The following PCDHA1 variants were observed in gnomAD, a reference collection of about 807,000 sequenced individuals.
PCDHA1 encodes the protein protocadherin alpha-1.
PCDHA1 carries 42 observed loss-of-function variants against 61.3 expected under a neutral mutation model. The ratio of observed to expected loss-of-function variants is 0.69; its 90% CI spans 0.54 to 0.89. PCDHA1 has a LOEUF of 0.89. Among genes scored for constraint, PCDHA1 ranks in the 40% least tolerant of loss-of-function variants. PCDHA1 has a pLI of 0.00. For synonymous variants in PCDHA1, 610 were observed against 553.8 expected, an observed-to-expected ratio of 1.10 and a Z score of -1.43; for missense variants, 1,256 against 1,235.3, an observed-to-expected ratio of 1.02 and a Z score of -0.25.
chr5:140,826,260 T>C (rs1554130510), intron 1 of PCDHA1, among the ~76,000 whole-genome samples: 1 of 152,220 alleles, frequency 6.6e-6, no homozygotes, highest in Admixed American at 6.5e-5. Context: ...ATATATCAAG[T>C]CTTTATGTAT....
In PCDHA1 at chr5:141,011,040, A is replaced by G. The variant is rs1467029720; in HGVS notation, c.*1103A>G. On this transcript the variant is annotated 3_prime_UTR_variant, in exon 4 of 4. Transcript: ENST00000504120. ...AATCACAGCTTTACTCTTTCAGGTCACTCTGGGGCTGCCTCTTGCATGTAT... is the reference window on the plus strand; with the variant it reads ...AATCACAGCTTTACTCTTTCAGGTCGCTCTGGGGCTGCCTCTTGCATGTAT... 1 of 153,602 alleles carries G rather than the reference A, an allele frequency of 6.5e-6. No homozygotes were observed. The highest frequency in any genetic ancestry group is 2.4e-5 in the African/African-American group (1 of 41,374). The allele number at this position is 153,602 out of a possible 1,614,324, so 9.5% of individuals were successfully genotyped here.
In PCDHA1 at chr5:140,788,291, ATC is replaced by A; in HGVS notation, c.2005_2006del (p.Leu669GlyfsTer60). Reference protein sequence around the residue: ...ALTATATVLVSLVESGQAPKA... With the variant: ...ALTATATVLVXLVESGQAPKA... ...TGACAGCCACGGCCACTGTGCTTGT[ATC>A]TCTGGTGGAGAGCGGCCAGGCGCCA... On this transcript the variant is annotated frameshift_variant, in exon 1 of 4. Transcript: ENST00000504120. LOFTEE classifies it high-confidence loss of function. The A allele has an allele frequency of 1.9e-6, 3 of 1,613,972 alleles. No homozygotes were observed. The highest frequency in any genetic ancestry group is 2.5e-6 in the Non-Finnish European group (3 of 1,179,934).
intron 1 of PCDHA1, chr5:140,810,004 A>G (rs1369624194): frequency 1.3e-5 from 2 of 155,054 alleles, no homozygotes; most frequent in African/African-American, 2.4e-5. Context: ...CACTTCCCTT[A>G]TTTTTCCTCC....
chr5:140,891,009 A>AT (rs35053611), intron 1 of PCDHA1, among the ~76,000 whole-genome samples: 3 of 152,052 alleles, frequency 2.0e-5, no homozygotes, highest in East Asian at 3.9e-4. Context: ...ATTGAAAAGC[A>AT]TTTTTTCTGA....
Position 140,786,762 on chromosome 5 carries a change from G to C in PCDHA1, c.472G>C (p.Ala158Pro), listed in dbSNP as rs115744731. 1 of 1,614,108 alleles carries C rather than the reference G, an allele frequency of 6.2e-7. No individual in the cohort carries two copies. Among genetic ancestry groups the C allele is most frequent in the Non-Finnish European group, 8.5e-7 (1 of 1,180,040 alleles). ...LNSRFPIEGA[A>P]DADIGANALL... ...TTCGCGTTTTCCGATAGAAGGAGCT[G>C]CTGATGCAGACATTGGTGCTAACGC... Residue 158 changes from alanine (A) to proline (P), a missense_variant, in exon 1 of 4, where the codon GCT (alanine) becomes CCT (proline). Physicochemically the swap from Ala to Pro is conservative, Grantham distance 27 (BLOSUM62 -1). Transcript: ENST00000504120.
At chr5:140,834,160 T>G (rs2150213873) in intron 1 of PCDHA1, 2 of 539,050 alleles carry the variant, frequency 3.7e-6, no homozygotes, top group Non-Finnish European at 6.5e-6. Context: ...GGTTTGTAAT[T>G]CTTACTTACA....
In PCDHA1 at chr5:140,857,043, A is replaced by T. The variant is rs201811819; in HGVS notation, c.2394+68359A>T. Reference sequence around the variant, plus strand: ...AAGGGAAACCCACCTATGGTTGGTCACTGCACGGTCCTAGTGGAACTACTG... The same window carrying T: ...AAGGGAAACCCACCTATGGTTGGTCTCTGCACGGTCCTAGTGGAACTACTG... On this transcript the variant is annotated intron_variant, in intron 1 of 3. Transcript: ENST00000504120. 81 of 1,595,818 alleles carry T rather than the reference A, an allele frequency of 5.1e-5. 4 individuals carry two copies. The highest frequency in any genetic ancestry group is 1.5e-5 in the Non-Finnish European group (18 of 1,165,582).
chr5:140,902,657 T>G (rs1331790009), intron 1 of PCDHA1, among the ~76,000 whole-genome samples: 2 of 152,160 alleles, frequency 1.3e-5, no homozygotes, highest in Non-Finnish European at 2.9e-5. Context: ...GGTGCACCTG[T>G]CACCCAAGCA....
Position 140,966,881 on chromosome 5 carries a change from C to T in PCDHA1, c.2395-12068C>T, listed in dbSNP as rs2096065304. 4.4e-6 allele frequency: 7 copies of T among 1,588,952 alleles called. No individual in the cohort carries two copies. In the South Asian group the frequency reaches 6.7e-5, roughly 15 times the overall value. ...GCTGTTGCTGCTGCTGCTACCTGGC[C>T]CTGCGGCCTCCCAGCTGCGATACTC... On this transcript the variant is annotated intron_variant, in intron 1 of 3. Coordinates refer to ENST00000504120, the MANE Select transcript of PCDHA1 (RefSeq NM_018900.4).
chr5:140,845,214 TA>T (rs1253125305), intron 1 of PCDHA1, among the ~76,000 whole-genome samples: 2 of 149,518 alleles, frequency 1.3e-5, no homozygotes, highest in South Asian at 2.1e-4. Flanking sequence ...TAAGTCCTTT[TA>T]AAAAATATGA....
At chr5:140,876,117 C>T in intron 1 of PCDHA1, 1 of 1,613,922 alleles carries the variant, frequency 6.2e-7, no homozygotes, top group Non-Finnish European at 8.5e-7. Flanking sequence ...TGATGGTAAT[C>T]GATGGCGGTA....
At position 140,828,424 on chromosome 5, in the gene PCDHA1, C is replaced by A. The variant is rs138737999; in HGVS notation, c.2394+39740C>A. The A allele has an allele frequency of 3.3e-5, 54 of 1,614,244 alleles. 1 individual carries two copies. The East Asian group carries it at 6.9e-4, about 21-fold the overall frequency. On this transcript the variant is annotated intron_variant, in intron 1 of 3. Transcript: ENST00000504120. The stretch of plus-strand genomic sequence containing the variant: ...GCATCCACCTGGAGGTGATCGTGGA[C>A]AGGCCGCTGCAGGTTTTCCATGTGG...
chr5:140,875,452 C>G (rs370742022), intron 1 of PCDHA1: 1 of 1,592,452 alleles, frequency 6.3e-7, no homozygotes, highest in Non-Finnish European at 8.6e-7. Flanking sequence ...TGTCCCAACT[C>G]AGAGGCCCTC....
intron 1 of PCDHA1, chr5:140,857,075 A>G: frequency 6.3e-7 from 1 of 1,597,052 alleles, no homozygotes; most frequent in African/African-American, 1.3e-5. Context: ...ACTGGATGAA[A>G]ATGATAATTC....
At chr5:140,836,287 G>T in intron 1 of PCDHA1, 2 of 1,613,786 alleles carry the variant, frequency 1.2e-6, no homozygotes, top group Non-Finnish European at 8.5e-7. Flanking sequence ...AGCACGACAC[G>T]AGCCCTAGAT....
At chr5:140,955,506 G>A (rs781377705) in intron 1 of PCDHA1, among the ~76,000 whole-genome samples, 3 of 152,222 alleles carry the variant, frequency 2.0e-5, no homozygotes, top group South Asian at 2.1e-4. Flanking sequence ...GAAGAAAGAC[G>A]TGTTTGCTTT....
At position 140,843,722 on chromosome 5, in the gene PCDHA1, C is replaced by T. The variant is rs2150365613; in HGVS notation, c.2394+55038C>T. ...TGTTGATCATGGCCTCAAAGTAAGT[C>T]CATTTAAATTTAGAACTCATAAATT... On this transcript the variant is annotated intron_variant, in intron 1 of 3. Coordinates refer to ENST00000504120, the MANE Select transcript of PCDHA1 (RefSeq NM_018900.4). 2.4e-4 allele frequency: 371 copies of T among 1,561,926 alleles called. 35 individuals carry two copies. The highest frequency in any genetic ancestry group is 1.3e-3 in the East Asian group (56 of 44,658).
chr5:140,836,376 G>A, intron 1 of PCDHA1: 3 of 1,613,760 alleles, frequency 1.9e-6, no homozygotes, highest in South Asian at 1.1e-5. Context: ...CACAGCCACC[G>A]TGCTGGTGTC....
chr5:140,903,211 C>T (rs1457584095), intron 1 of PCDHA1, among the ~76,000 whole-genome samples: 1 of 152,174 alleles, frequency 6.6e-6, no homozygotes, highest in African/African-American at 2.4e-5. Context: ...TCACCACATT[C>T]ATGCCAACAT....
Sources: allele counts gnomAD v4.1 joint callset (sites outside exome capture counted in the v4.1 genomes callset), GRCh38; gene constraint gnomAD v4.1.1; transcripts MANE v1.5; gene names NCBI Gene and HGNC (gene_info 2026-07-23, HGNC 2026-07-21).